Variants in NOX3 observed in about 807,000 individuals in gnomAD.
NOX3 encodes NADPH oxidase catalytic subunit-like 3.
Under a neutral mutation model 76.7 loss-of-function variants are expected in NOX3, and 74 were observed. The ratio of observed to expected loss-of-function variants is 0.96; its 90% CI spans 0.80 to 1.17. NOX3 has a LOEUF of 1.17. NOX3 is among the 50% of genes most tolerant of loss of function. The pLI, the probability that NOX3 is intolerant of heterozygous loss-of-function variation, is 0.00. For missense variants in NOX3, 695 were observed against 703.3 expected, an observed-to-expected ratio of 0.99 and a Z score of 0.13; for synonymous variants, 263 against 261.1, an observed-to-expected ratio of 1.01 and a Z score of -0.07.
chr6:155,441,297 C>A (rs1220904480), intron 5 of NOX3, among the ~76,000 whole-genome samples: 2 of 87,372 alleles, frequency 2.3e-5, no homozygotes, highest in East Asian at 1.8e-3. Flanking sequence ...ACAGGGACTT[C>A]TTCATTATTT....
intron 10 of NOX3, among the ~76,000 whole-genome samples, chr6:155,416,744 CTTTTT>C (rs534711414): frequency 2.7e-4 from 25 of 92,534 alleles, no homozygotes; most frequent in African/African-American, 7.9e-4. Context: ...CTGAAACATT[CTTTTT>C]TTTTTTTTTT....
chr6:155,418,895 T>C (rs1022890742), intron 10 of NOX3, among the ~76,000 whole-genome samples: 1 of 152,214 alleles, frequency 6.6e-6, no homozygotes, highest in African/African-American at 2.4e-5. Context: ...TTTTTACACA[T>C]GGAGGAAAAA....
At chr6:155,404,646 C>T (rs2114676227) in intron 12 of NOX3, among the ~76,000 whole-genome samples, 1 of 152,256 alleles carries the variant, frequency 6.6e-6, no homozygotes, top group Non-Finnish European at 1.5e-5. Flanking sequence ...CTTGGGGTCT[C>T]CTGCTGGAAA....
At chr6:155,418,382 C>A (rs1272461749) in intron 10 of NOX3, among the ~76,000 whole-genome samples, 1 of 152,200 alleles carries the variant, frequency 6.6e-6, no homozygotes, top group Non-Finnish European at 1.5e-5. Context: ...CCACCCTCAG[C>A]CTTCCCTCAT....
At chr6:155,429,107 C>G in intron 8 of NOX3, 60 bp from the exon 9 acceptor site, 2 of 1,430,804 alleles carry the variant, frequency 1.4e-6, no homozygotes, top group Non-Finnish European at 1.9e-6. Flanking sequence ...AAACACCTTT[C>G]ATTCCATCAA....
chr6:155,416,047 T>G (rs1373398492), intron 10 of NOX3, among the ~76,000 whole-genome samples: 1 of 152,198 alleles, frequency 6.6e-6, no homozygotes, highest in East Asian at 1.9e-4. Flanking sequence ...ATGTGCTCCA[T>G]GAAGGGGAAG....
intron 5 of NOX3, 132 bp downstream of exon 5, chr6:155,443,141 G>T: frequency 8.7e-6 from 9 of 1,035,126 alleles, no homozygotes; most frequent in Non-Finnish European, 1.2e-5. Flanking sequence ...ATGTGAAATT[G>T]AAAACAAATT....
intron 11 of NOX3, among the ~76,000 whole-genome samples, chr6:155,409,806 G>C (rs1776518053): frequency 1.3e-5 from 2 of 152,042 alleles, no homozygotes; most frequent in Admixed American, 1.3e-4. Flanking sequence ...TAATCTACTT[G>C]TGTTTAGAAA....
intron 11 of NOX3, among the ~76,000 whole-genome samples, chr6:155,410,173 G>A (rs1776522093): frequency 6.6e-6 from 1 of 152,082 alleles, no homozygotes; most frequent in African/African-American, 2.4e-5. Flanking sequence ...TTATCCCAAA[G>A]GATTAAATAT....
rs746132340 is a variant in NOX3 at position 155,440,139 on chromosome 6, TA to T, written c.487-3del. ...CCTTAGCAATTCAGTGGTTGTGTTC[TA>T]AAAAAAACAACAACAACAAAAAAAG... On this transcript the variant is annotated splice_polypyrimidine_tract_variant and splice_region_variant and intron_variant, in intron 5 of 13. Transcript: ENST00000159060. 48 of 1,530,790 alleles carry T rather than the reference TA, an allele frequency of 3.1e-5. No individual in the cohort carries two copies. Among genetic ancestry groups the T allele is most frequent in the South Asian group, 1.0e-4 (8 of 78,952 alleles). 94.8% of individuals were successfully genotyped at this position (1,530,790 alleles called of 1,614,324 possible). A position where few individuals can be genotyped will look rare whatever the true frequency, so the allele number is the denominator to read the frequency against.
intron 11 of NOX3, among the ~76,000 whole-genome samples, chr6:155,410,679 A>G (rs9478648): frequency 0.051 from 7,709 of 152,278 alleles, 610 homozygotes; most frequent in African/African-American, 0.16. Context: ...TCTTAGGTAA[A>G]TAAACATACG....
intron 12 of NOX3, among the ~76,000 whole-genome samples, chr6:155,405,701 T>C (rs1197270160): frequency 6.6e-6 from 1 of 152,104 alleles, no homozygotes; most frequent in Non-Finnish European, 1.5e-5. Flanking sequence ...ACACCTCACA[T>C]CCCATCCATA....
intron 12 of NOX3, among the ~76,000 whole-genome samples, chr6:155,404,130 T>TG: frequency 1.1e-5 from 1 of 90,624 alleles, no homozygotes; most frequent in South Asian, 3.6e-4. Flanking sequence ...TATATATATT[T>TG]TTTTTTTCCC....
chr6:155,447,202 G>A (rs1028474743), intron 4 of NOX3, among the ~76,000 whole-genome samples: 1 of 151,980 alleles, frequency 6.6e-6, no homozygotes, highest in African/African-American at 2.4e-5. Flanking sequence ...ACGCCACCAT[G>A]CCCAGCTAAT....
intron 10 of NOX3, among the ~76,000 whole-genome samples, chr6:155,421,574 T>G (rs780881446): frequency 1.3e-5 from 2 of 152,154 alleles, no homozygotes; most frequent in Non-Finnish European, 2.9e-5. Flanking sequence ...TCTGCGGAAC[T>G]TTTTTTAGAG....
rs887551204 is a variant in NOX3 at position 155,447,565 on chromosome 6, G to A, written c.341-4147C>T. Among the ~76,000 whole-genome samples, 3 of 152,304 alleles carry A rather than the reference G, an allele frequency of 2.0e-5. No homozygotes were observed. The South Asian group carries it at 6.2e-4, about 32-fold the overall frequency. On this transcript the variant is annotated intron_variant, in intron 4 of 13. Transcript: ENST00000159060. ...AGAAAGCCCCAGATGGTTTTCAAGAGGCAGCTTCTGAGGGAATTTGTAAAA... is the reference window on the plus strand; with the variant it reads ...AGAAAGCCCCAGATGGTTTTCAAGAAGCAGCTTCTGAGGGAATTTGTAAAA...
At chr6:155,433,209 C>A (rs988753416) in intron 7 of NOX3, among the ~76,000 whole-genome samples, 1 of 152,188 alleles carries the variant, frequency 6.6e-6, no homozygotes, top group Non-Finnish European at 1.5e-5. Flanking sequence ...ATCCCCGACT[C>A]CATCTCAATC....
chr6:155,411,411 T>C, intron 10 of NOX3, 51 bp from the exon 11 acceptor site: 1 of 1,528,536 alleles, frequency 6.5e-7, no homozygotes, highest in Non-Finnish European at 8.8e-7. Context: ...TCATATGTGC[T>C]GATAATCACA....
At chr6:155,424,396 A>G (rs895696816) in intron 9 of NOX3, among the ~76,000 whole-genome samples, 1 of 152,224 alleles carries the variant, frequency 6.6e-6, no homozygotes, top group African/African-American at 2.4e-5. Flanking sequence ...TGTTTAAAAT[A>G]TTTCAGTCAG....
Sources: gnomAD v4.1 joint callset for allele counts (sites outside exome capture counted in the v4.1 genomes callset) on GRCh38, gnomAD v4.1.1 for gene constraint, MANE v1.5 for transcripts, NCBI Gene and HGNC (gene_info 2026-07-23, HGNC 2026-07-21) for gene names.